MLKL: variants seen among roughly 807,000 people sequenced by gnomAD.
The protein encoded by MLKL is mixed lineage kinase domain-like protein.
MLKL carries 55 observed loss-of-function variants against 56.5 expected under a neutral mutation model. That is an observed-to-expected ratio of 0.97 (90% CI 0.78 to 1.22). The LOEUF is 1.22. Among genes scored for constraint, MLKL ranks in the 50% most tolerant of loss-of-function variants. The pLI, the probability that MLKL is intolerant of heterozygous loss-of-function variation, is 0.00. For synonymous variants in MLKL, 251 were observed against 208.3 expected, an observed-to-expected ratio of 1.20 and a Z score of -1.76; for missense variants, 694 against 573.9, an observed-to-expected ratio of 1.21 and a Z score of -2.14.
intron 2 of MLKL, among the ~76,000 whole-genome samples, chr16:74,694,073 A>G (rs1170544888): frequency 6.6e-6 from 1 of 152,174 alleles, no homozygotes; most frequent in Non-Finnish European, 1.5e-5. Flanking sequence ...TTCAATGGAT[A>G]TTTACATGGG....
chr16:74,689,659 C>T (rs911471135), intron 4 of MLKL, among the ~76,000 whole-genome samples: 1 of 151,960 alleles, frequency 6.6e-6, no homozygotes, highest in Non-Finnish European at 1.5e-5. Context: ...ATGAAAAAAA[C>T]AGTAACAGTG....
At chr16:74,695,967 G>T (rs916182174) in intron 1 of MLKL, among the ~76,000 whole-genome samples, 1 of 152,232 alleles carries the variant, frequency 6.6e-6, no homozygotes, top group Non-Finnish European at 1.5e-5. Flanking sequence ...AGCTGGTCCA[G>T]CCGGAACTAC....
intron 6 of MLKL, among the ~76,000 whole-genome samples, chr16:74,682,429 G>C (rs1467697371): frequency 6.6e-6 from 1 of 152,114 alleles, no homozygotes; most frequent in Non-Finnish European, 1.5e-5. Flanking sequence ...AACTCTATAA[G>C]TGCAGTGTGG....
intron 7 of MLKL, chr16:74,676,390 A>C (rs1208573715): frequency 1.9e-5 from 19 of 985,328 alleles, no homozygotes; most frequent in Non-Finnish European, 2.3e-5. Context: ...GGTGTGCTGA[A>C]GGCTGCCAGC....
intron 1 of MLKL, among the ~76,000 whole-genome samples, chr16:74,699,108 G>T (rs111553911): frequency 6.6e-6 from 1 of 151,736 alleles, no homozygotes; most frequent in East Asian, 1.9e-4. Context: ...GCAAAACTCC[G>T]TCTCAAAAAC....
intron 4 of MLKL, among the ~76,000 whole-genome samples, chr16:74,689,354 G>A (rs1212657128): frequency 2.0e-5 from 3 of 152,078 alleles, no homozygotes; most frequent in African/African-American, 4.8e-5. Context: ...GACCTCAGGT[G>A]ATCTGCCCTC....
chr16:74,679,250 C>T (rs1369906512), intron 6 of MLKL, among the ~76,000 whole-genome samples: 2 of 152,176 alleles, frequency 1.3e-5, no homozygotes, highest in Admixed American at 6.5e-5. Context: ...AGAAGGACAA[C>T]GTTGCCTCTG....
rs144118564 is a variant in MLKL, at chr16:74,692,410, T to A, written c.467A>T (p.Glu156Val). 6.1e-5 allele frequency: 98 copies of A among 1,612,910 alleles called. No individual in the cohort carries two copies. The Admixed American group carries it at 1.2e-3, about 20-fold the overall frequency. The change falls in exon 3 of 11, where the codon GAA (glutamate) becomes GTA (valine). Residue 156 changes from glutamate (E) to valine (V), a missense_variant. Coordinates refer to ENST00000308807, the MANE Select transcript of MLKL (RefSeq NM_152649.4). The stretch of plus-strand genomic sequence containing the variant: ...TCGTCTCAGTGAAGCTTCTATTTTT[T>A]CATTATCTGCAGGAAAAAAGGGCAG... ...RAFQMLRRDN[E>V]KIEASLRRLE...
At chr16:74,688,883 A>C (rs2144525187) in intron 4 of MLKL, among the ~76,000 whole-genome samples, 1 of 152,368 alleles carries the variant, frequency 6.6e-6, no homozygotes, top group South Asian at 2.1e-4. Flanking sequence ...TGAAGAAATG[A>C]TACTTGCTAT....
chr16:74,673,269 G>A (rs1382801072), intron 10 of MLKL, among the ~76,000 whole-genome samples: 1 of 152,158 alleles, frequency 6.6e-6, no homozygotes, highest in Non-Finnish European at 1.5e-5. Context: ...CCAGGCTGGA[G>A]TACAGTGGCG....
At chr16:74,673,700 G>A (rs1567597214) in intron 10 of MLKL, among the ~76,000 whole-genome samples, 1 of 151,822 alleles carries the variant, frequency 6.6e-6, no homozygotes, top group African/African-American at 2.4e-5. Flanking sequence ...AGGAAGGAAG[G>A]CAGACAAGGA....
chr16:74,676,276 C>T (rs1959590827), intron 7 of MLKL: 1 of 989,340 alleles, frequency 1.0e-6, no homozygotes, highest in Non-Finnish European at 1.2e-6. Context: ...GAGTGTGAGT[C>T]ATCCCCCCAG....
At chr16:74,699,232 A>G (rs762206990) in intron 1 of MLKL, among the ~76,000 whole-genome samples, 12 of 152,254 alleles carry the variant, frequency 7.9e-5, no homozygotes, top group Admixed American at 6.5e-5. Flanking sequence ...AGACCAACCC[A>G]GCAATCCTTC....
intron 4 of MLKL, among the ~76,000 whole-genome samples, chr16:74,689,974 G>A (rs928378305): frequency 6.6e-6 from 1 of 152,172 alleles, no homozygotes. Context: ...TCTAGAGGTG[G>A]AGCAGGACAC....
intron 1 of MLKL, among the ~76,000 whole-genome samples, chr16:74,698,835 C>T (rs190452685): frequency 3.3e-5 from 5 of 152,116 alleles, no homozygotes; most frequent in East Asian, 1.9e-4. Flanking sequence ...AAAATTGCAG[C>T]GGTCACATTG....
intron 4 of MLKL, among the ~76,000 whole-genome samples, chr16:74,687,612 C>T (rs1044911626): frequency 2.0e-5 from 3 of 151,820 alleles, no homozygotes; most frequent in Admixed American, 2.0e-4. Context: ...ACTAGACAAA[C>T]AGATCAATGG....
At chr16:74,697,577 C>T (rs548177434) in intron 1 of MLKL, among the ~76,000 whole-genome samples, 1 of 152,138 alleles carries the variant, frequency 6.6e-6, no homozygotes, top group Admixed American at 6.6e-5. Context: ...GTAGTTCATA[C>T]CCGTAATCCC....
intron 1 of MLKL, among the ~76,000 whole-genome samples, chr16:74,696,097 T>C (rs147691839): frequency 1.2e-3 from 179 of 152,254 alleles, no homozygotes; most frequent in Middle Eastern, 6.8e-3. Context: ...CCTCACACTC[T>C]CCCTTGGTTG....
chr16:74,696,319 C>T (rs932447004), intron 1 of MLKL, among the ~76,000 whole-genome samples: 20 of 152,154 alleles, frequency 1.3e-4, no homozygotes, highest in Admixed American at 1.3e-3. Context: ...ACAGATATAT[C>T]CTGCTAAAGC....
Sources: gnomAD v4.1 joint callset for allele counts (sites outside exome capture counted in the v4.1 genomes callset) on GRCh38, gnomAD v4.1.1 for gene constraint, MANE v1.5 for transcripts, NCBI Gene and HGNC (gene_info 2026-07-23, HGNC 2026-07-21) for gene names.